The following PTPRC variants were observed in gnomAD, a reference collection of about 807,000 sequenced individuals.
PTPRC encodes the protein receptor-type tyrosine-protein phosphatase C.
Under a neutral mutation model 155.9 loss-of-function variants are expected in PTPRC, and 44 were observed. The ratio of observed to expected loss-of-function variants is 0.28; its 90% CI spans 0.22 to 0.36. The LOEUF (loss-of-function observed/expected upper bound fraction) is 0.36, where lower values mean the gene tolerates loss of function less well. Ranked by LOEUF, PTPRC falls within the 10% of genes least tolerant of loss-of-function variation. The pLI is 1.00. For missense variants in PTPRC, 1,401 were observed against 1,564.6 expected (o/e 0.90, Z 1.76); for synonymous variants, 525 against 533.1 (o/e 0.98, Z 0.21).
At chr1:198,709,570 A>G in intron 10 of PTPRC, 117 bp from the exon 11 acceptor site, 2 of 910,824 alleles carry the variant, frequency 2.2e-6, no homozygotes, top group Non-Finnish European at 3.0e-6. Context: ...GGTAATTTCC[A>G]CAGATGTTTC....
rs1406073749 is a variant in PTPRC, at chr1:198,652,172, G to T, written c.73+12831G>T. Among the ~76,000 whole-genome samples, 3 of 151,726 alleles carry T rather than the reference G, an allele frequency of 2.0e-5. No individual in the cohort carries two copies. In the East Asian group the frequency reaches 5.8e-4, roughly 29 times the overall value. ...AATGTATTGAAAAATCTCAGTACAG[G>T]AGAAAGCTGTGCAGCTTTCTCTTCC... On this transcript the variant is annotated intron_variant, in intron 2 of 32. Transcript: ENST00000442510.
intron 2 of PTPRC, among the ~76,000 whole-genome samples, chr1:198,664,857 A>G (rs997142032): frequency 6.6e-6 from 1 of 152,170 alleles, no homozygotes; most frequent in African/African-American, 2.4e-5. Flanking sequence ...ATTGGAAGAA[A>G]TATTTTAAGA....
At chr1:198,733,810 T>G (rs1654504103) in intron 20 of PTPRC, among the ~76,000 whole-genome samples, 1 of 151,776 alleles carries the variant, frequency 6.6e-6, no homozygotes, top group Admixed American at 6.6e-5. Flanking sequence ...ATCCCAAAAG[T>G]AACTACATGG....
intron 25 of PTPRC, among the ~76,000 whole-genome samples, chr1:198,743,214 A>T (rs960160205): frequency 2.6e-5 from 4 of 151,832 alleles, no homozygotes; most frequent in Non-Finnish European, 5.9e-5. Flanking sequence ...GAAAGCAATG[A>T]TCTAGGTTTG....
intron 11 of PTPRC, among the ~76,000 whole-genome samples, chr1:198,710,399 T>C (rs979280633): frequency 1.3e-5 from 2 of 152,216 alleles, no homozygotes; most frequent in African/African-American, 4.8e-5. Flanking sequence ...TCCTCAAGAT[T>C]GTTTAGAATA....
intron 2 of PTPRC, among the ~76,000 whole-genome samples, chr1:198,667,755 A>G (rs1442999174): frequency 6.6e-6 from 1 of 152,260 alleles, no homozygotes; most frequent in African/African-American, 2.4e-5. Flanking sequence ...ATAACATGTC[A>G]TGGAAACATA....
intron 8 of PTPRC, among the ~76,000 whole-genome samples, chr1:198,705,352 CT>C (rs1652890610): frequency 6.6e-6 from 1 of 151,894 alleles, no homozygotes; most frequent in Non-Finnish European, 1.5e-5. Context: ...TCATTGCCTC[CT>C]TATGTTCTTC....
Position 198,752,784 on chromosome 1 carries a change from T to G in PTPRC, c.3509+12T>G, listed in dbSNP as rs1195870778. On this transcript the variant is annotated intron_variant, in intron 31 of 32. Transcript: ENST00000442510. ...CTCATTCACTGCAGGTGCGTGGGAT[T>G]TGGTAGAATGTGCTCTCAAAATCAT... 6.2e-7 allele frequency: 1 copy of G among 1,610,934 alleles called. No homozygotes were observed. Among genetic ancestry groups the G allele is most frequent in the South Asian group, 1.1e-5 (1 of 91,006 alleles).
At chr1:198,650,052 T>C (rs1180091348) in intron 2 of PTPRC, among the ~76,000 whole-genome samples, 2 of 151,776 alleles carry the variant, frequency 1.3e-5, no homozygotes. Flanking sequence ...TGAGGGAGAC[T>C]GGCAAGAGTA....
At position 198,756,239 on chromosome 1, in the gene PTPRC, T is replaced by TAGA; in HGVS notation, c.*61_*63dup. 1 of 1,599,418 alleles carries TAGA rather than the reference T, an allele frequency of 6.3e-7. No individual in the cohort carries two copies. The highest frequency in any genetic ancestry group is 8.5e-7 in the Non-Finnish European group (1 of 1,169,750). On this transcript the variant is annotated 3_prime_UTR_variant, in exon 33 of 33. Coordinates refer to ENST00000442510, the MANE Select transcript of PTPRC (RefSeq NM_002838.5). ...CTGTTAGCTGTTATTTCTATTTTTG[T>TAGA]AGAAGTAGGAAGTGAAAATAGGTAT... is the stretch of plus-strand genomic sequence containing the variant.
chr1:198,680,927 C>T (rs1324587627), intron 2 of PTPRC, among the ~76,000 whole-genome samples: 1 of 152,098 alleles, frequency 6.6e-6, no homozygotes, highest in Non-Finnish European at 1.5e-5. Flanking sequence ...TACACTGTTA[C>T]TCTATATTCG....
chr1:198,738,435 T>C (rs1019107499), intron 23 of PTPRC, among the ~76,000 whole-genome samples: 11 of 151,876 alleles, frequency 7.2e-5, no homozygotes, highest in Admixed American at 6.6e-4. Context: ...ATTCTGTTGA[T>C]ATAATGTATC....
Position 198,719,906 on chromosome 1 carries a change from C to T in PTPRC, c.1659+1604C>T, listed in dbSNP as rs141732757. Among the ~76,000 whole-genome samples the T allele has an allele frequency of 5.1e-3, 782 of 152,220 alleles. 6 individuals carry two copies. The highest frequency in any genetic ancestry group is 9.1e-3 in the Admixed American group (139 of 15,284). ...GATTACAGGTGTGAGCCACCGTGCCCGGCCCATATTCTTTATCACTTAAAG... is the reference window on the plus strand; with the variant it reads ...GATTACAGGTGTGAGCCACCGTGCCTGGCCCATATTCTTTATCACTTAAAG... On this transcript the variant is annotated intron_variant, in intron 14 of 32. Coordinates refer to ENST00000442510, the MANE Select transcript of PTPRC (RefSeq NM_002838.5).
chr1:198,712,887 A>G, intron 11 of PTPRC, 66 bp from the exon 12 acceptor site: 2 of 1,473,318 alleles, frequency 1.4e-6, no homozygotes, highest in Non-Finnish European at 1.9e-6. Flanking sequence ...GCATGCTTAT[A>G]ATATGAAGAA....
chr1:198,731,218 T>C (rs1322133714), intron 17 of PTPRC, among the ~76,000 whole-genome samples: 1 of 152,006 alleles, frequency 6.6e-6, no homozygotes, highest in African/African-American at 2.4e-5. Context: ...CATTTGCATG[T>C]TTACAGTATT....
chr1:198,752,074 G>A (rs766174796), intron 29 of PTPRC, among the ~76,000 whole-genome samples, 175 bp from the exon 30 acceptor site: 1 of 151,982 alleles, frequency 6.6e-6, no homozygotes, highest in African/African-American at 2.4e-5. Flanking sequence ...TAAATGGGTC[G>A]CCAGCACTTA....
At chr1:198,654,519 C>T (rs766678516) in intron 2 of PTPRC, among the ~76,000 whole-genome samples, 90 of 151,632 alleles carry the variant, frequency 5.9e-4, no homozygotes, top group Non-Finnish European at 1.1e-3. Flanking sequence ...TATATATTTT[C>T]TCTTTTTATC....
chr1:198,659,634 A>C (rs966396391), intron 2 of PTPRC, among the ~76,000 whole-genome samples: 5 of 151,370 alleles, frequency 3.3e-5, no homozygotes, highest in Non-Finnish European at 7.4e-5. Flanking sequence ...TCCCAGGTTC[A>C]AAGAATTCTC....
intron 14 of PTPRC, 111 bp downstream of exon 14, chr1:198,718,413 T>G: frequency 1.1e-6 from 1 of 935,666 alleles, no homozygotes; most frequent in East Asian, 2.6e-5. Context: ...GAAGCTCTGA[T>G]GTGTAATGGA....
Sources: allele counts gnomAD v4.1 joint callset (sites outside exome capture counted in the v4.1 genomes callset), GRCh38; gene constraint gnomAD v4.1.1; transcripts MANE v1.5; gene names NCBI Gene and HGNC (gene_info 2026-07-23, HGNC 2026-07-21).